Variants in CDIN1 observed in about 807,000 individuals in gnomAD.
The protein encoded by CDIN1 is CDAN1-interacting nuclease 1.
A neutral mutation model predicts 45.3 loss-of-function variants in CDIN1; 33 were observed. The observed-to-expected ratio is 0.73, with a 90% CI of 0.55 to 0.97. CDIN1 has a LOEUF of 0.97. CDIN1 is among the 50% of genes least tolerant of loss of function. The probability of loss-of-function intolerance (pLI) is 0.00; values close to 1 mark genes in which losing one functional copy is unlikely to be tolerated. For synonymous variants in CDIN1, 118 were observed against 124.4 expected (o/e 0.95, Z 0.34); for missense variants, 303 against 339.4 (o/e 0.89, Z 0.84).
chr15:36,743,320 G>A (rs2044303374), intron 10 of CDIN1, among the ~76,000 whole-genome samples: 1 of 152,182 alleles, frequency 6.6e-6, no homozygotes, highest in South Asian at 2.1e-4. Flanking sequence ...ATAAGCAGTA[G>A]ATAATCTTAG....
chr15:36,617,039 G>A (rs1595749429), intron 1 of CDIN1: 13 of 753,824 alleles, frequency 1.7e-5, no homozygotes, highest in South Asian at 1.6e-4. Context: ...GGGCCTGTGA[G>A]CCAGTTAGAG....
At chr15:36,661,357 A>C (rs541223510) in intron 5 of CDIN1, among the ~76,000 whole-genome samples, 2 of 152,268 alleles carry the variant, frequency 1.3e-5, no homozygotes, top group East Asian at 3.9e-4. Context: ...TCTTCCTAGC[A>C]GAGGATATTA....
chr15:36,751,652 T>G (rs1318071117), intron 10 of CDIN1, among the ~76,000 whole-genome samples: 1 of 152,130 alleles, frequency 6.6e-6, no homozygotes, highest in Non-Finnish European at 1.5e-5. Context: ...ACTGGGTATA[T>G]AACCAAAGGA....
At chr15:36,631,465 T>A (rs879364329) in intron 1 of CDIN1, among the ~76,000 whole-genome samples, 6 of 152,236 alleles carry the variant, frequency 3.9e-5, no homozygotes, top group Non-Finnish European at 7.3e-5. Context: ...CTACTTCTAT[T>A]GATTTTCCTA....
intron 1 of CDIN1, among the ~76,000 whole-genome samples, chr15:36,585,692 T>C (rs1225650226): frequency 6.6e-6 from 1 of 152,104 alleles, no homozygotes; most frequent in East Asian, 1.9e-4. Context: ...AATGTTACTT[T>C]TATTATTATT....
chr15:36,742,510 A>T (rs944675911), intron 10 of CDIN1, among the ~76,000 whole-genome samples: 3 of 152,236 alleles, frequency 2.0e-5, no homozygotes, highest in Non-Finnish European at 4.4e-5. Flanking sequence ...CAAATTCAAC[A>T]TTGATTATGT....
chr15:36,716,417 A>G (rs1052786748), intron 10 of CDIN1, among the ~76,000 whole-genome samples: 4 of 152,176 alleles, frequency 2.6e-5, no homozygotes, highest in Admixed American at 2.0e-4. Flanking sequence ...GAGTTTACCA[A>G]TATCGGGAGT....
chr15:36,601,613 T>G (rs1447181811), intron 1 of CDIN1, among the ~76,000 whole-genome samples: 1 of 152,222 alleles, frequency 6.6e-6, no homozygotes, highest in Non-Finnish European at 1.5e-5. Context: ...GTTTTCTCAG[T>G]CTGCCATGAG....
Position 36,579,913 on chromosome 15 carries a change from T to G in CDIN1, c.53T>G (p.Val18Gly). Reference protein sequence around the residue: ...YDEIAQCLVSVPPTRQSLRKL... With the variant: ...YDEIAQCLVSGPPTRQSLRKL... ...GAGATAGCCCAGTGCCTAGTGTCTG[T>G]GCCGCCTACCAGGCAGAGCCTGAGG... is the stretch of plus-strand genomic sequence containing the variant. The change falls in exon 1 of 11, where the codon GTG (valine) becomes GGG (glycine). Residue 18 changes from valine (V) to glycine (G), a missense_variant. Coordinates refer to ENST00000566621, the MANE Select transcript of CDIN1 (RefSeq NM_001321759.2). 1 of 1,613,976 alleles carries G rather than the reference T, an allele frequency of 6.2e-7. No homozygotes were observed. Among genetic ancestry groups the G allele is most frequent in the Non-Finnish European group, 8.5e-7 (1 of 1,179,886 alleles).
intron 5 of CDIN1, among the ~76,000 whole-genome samples, chr15:36,663,259 A>G (rs1566878548): frequency 6.6e-6 from 1 of 152,136 alleles, no homozygotes; most frequent in Non-Finnish European, 1.5e-5. Flanking sequence ...AGACCTAGGT[A>G]TTTATATTTA....
chr15:36,662,854 G>T (rs79982106), intron 5 of CDIN1, among the ~76,000 whole-genome samples: 133 of 122,844 alleles, frequency 1.1e-3, no homozygotes, highest in South Asian at 1.9e-3. Flanking sequence ...TCAGATTTTA[G>T]TTTTTTTTTT....
intron 4 of CDIN1, among the ~76,000 whole-genome samples, 165 bp downstream of exon 4, chr15:36,654,323 A>G (rs1316857805): frequency 4.6e-5 from 7 of 152,228 alleles, no homozygotes; most frequent in Non-Finnish European, 7.3e-5. Context: ...GTAATTGGAC[A>G]AAGAACTTCA....
intron 10 of CDIN1, chr15:36,798,551 A>C (rs1484306144): frequency 6.6e-6 from 1 of 152,222 alleles, no homozygotes; most frequent in Non-Finnish European, 1.5e-5. Context: ...TATAGGGCAA[A>C]CATGTATCAG....
chr15:36,764,833 G>C (rs1409402398), intron 10 of CDIN1, among the ~76,000 whole-genome samples: 2 of 152,152 alleles, frequency 1.3e-5, no homozygotes, highest in Admixed American at 6.5e-5. Flanking sequence ...AACTTTTTAA[G>C]AGGAACAGAC....
At chr15:36,723,708 G>T (rs1308777938) in intron 10 of CDIN1, among the ~76,000 whole-genome samples, 1 of 152,182 alleles carries the variant, frequency 6.6e-6, no homozygotes, top group Non-Finnish European at 1.5e-5. Context: ...GAGACTATAG[G>T]CATGGGCCAC....
chr15:36,793,307 C>T (rs1339842245), intron 10 of CDIN1, among the ~76,000 whole-genome samples: 1 of 152,082 alleles, frequency 6.6e-6, no homozygotes, highest in East Asian at 1.9e-4. Flanking sequence ...TTCAGGGAAG[C>T]AGAAGGTATT....
chr15:36,790,974 AT>A (rs2054630544), intron 10 of CDIN1, among the ~76,000 whole-genome samples: 1 of 151,920 alleles, frequency 6.6e-6, no homozygotes, highest in African/African-American at 2.4e-5. Context: ...CCCAATAGTT[AT>A]TTTTTCTGAT....
intron 10 of CDIN1, among the ~76,000 whole-genome samples, chr15:36,721,722 C>G (rs954983528): frequency 3.3e-5 from 5 of 151,856 alleles, no homozygotes; most frequent in Admixed American, 6.6e-5. Context: ...ATGCACTTAT[C>G]AGAACTCTTC....
At chr15:36,580,844 C>T (rs1402728240) in intron 1 of CDIN1, among the ~76,000 whole-genome samples, 1 of 152,192 alleles carries the variant, frequency 6.6e-6, no homozygotes, top group African/African-American at 2.4e-5. Context: ...CATGGTTATT[C>T]CTAATGGAGA....
Sources: allele counts gnomAD v4.1 joint callset (sites outside exome capture counted in the v4.1 genomes callset), GRCh38; gene constraint gnomAD v4.1.1; transcripts MANE v1.5; gene names NCBI Gene and HGNC (gene_info 2026-07-23, HGNC 2026-07-21).